The following PARD6G variants were observed in gnomAD, a reference collection of about 807,000 sequenced individuals.
PARD6G encodes the protein par-6 family cell polarity regulator gamma, also known as partitioning defective 6 homolog gamma.
In PARD6G, 7 loss-of-function variants were observed where a neutral mutation model predicts 10.7. The observed-to-expected ratio is 0.66, with a 90% CI of 0.37 to 1.23. The LOEUF (loss-of-function observed/expected upper bound fraction) is 1.23. Among genes scored for constraint, PARD6G ranks in the 50% most tolerant of loss-of-function variants. PARD6G has a pLI of 0.02. For synonymous variants in PARD6G, 287 were observed against 269.4 expected (o/e 1.07, Z -0.64); for missense variants, 548 against 571.8 (o/e 0.96, Z 0.42).
rs2052702146 is a variant in PARD6G at position 80,161,728 on chromosome 18, G to A, written c.296-1122C>T. The A allele has an allele frequency of 2.0e-5, 3 of 152,212 alleles. No homozygotes were observed. The highest frequency in any genetic ancestry group is 2.0e-4 in the Admixed American group (3 of 15,274). 9.4% of individuals were successfully genotyped at this position (152,212 alleles called of 1,614,324 possible). On this transcript the variant is annotated intron_variant, in intron 2 of 2. Coordinates refer to ENST00000353265, the MANE Select transcript of PARD6G (RefSeq NM_032510.4). This position sits in a 1 kb window ranked among gnomAD's most constrained non-coding sequence, Gnocchi z 4.6. ...CCACAGCAGCCTGCTCTTTGGGCTG[G>A]GGAGGCTCACATCTTTGCTTTGCCA...
At chr18:80,167,412 C>T (rs1002904678) in intron 2 of PARD6G, among the ~76,000 whole-genome samples, 5 of 152,176 alleles carry the variant, frequency 3.3e-5, no homozygotes, top group African/African-American at 9.7e-5. Flanking sequence ...CAGCAGCTCA[C>T]TCAGGGCAGC....
At chr18:80,176,694 C>A (rs1267766731) in intron 2 of PARD6G, among the ~76,000 whole-genome samples, 1 of 152,164 alleles carries the variant, frequency 6.6e-6, no homozygotes, top group Non-Finnish European at 1.5e-5. Flanking sequence ...TGAAGAAAGC[C>A]TCCCCCCTCA....
intron 1 of PARD6G, among the ~76,000 whole-genome samples, chr18:80,238,276 G>A (rs1026482923): frequency 5.3e-5 from 8 of 152,088 alleles, no homozygotes; most frequent in Non-Finnish European, 1.0e-4. Context: ...TCACTCATAG[G>A]TGGGAATTGA....
intron 1 of PARD6G, among the ~76,000 whole-genome samples, chr18:80,242,808 A>G (rs1967504848): frequency 1.3e-5 from 2 of 152,370 alleles, no homozygotes; most frequent in South Asian, 4.1e-4. Context: ...TCAACTCTCT[A>G]ATAACTTAAG....
rs1397629877 is a variant in PARD6G at position 80,231,800 on chromosome 18, A to G, written c.72+15477T>C. On this transcript the variant is annotated intron_variant, in intron 1 of 2. Transcript: ENST00000353265. The surrounding 1 kb of genome is among the most constrained non-coding windows in gnomAD (Gnocchi z 4.2). ...CCCCAGGCCTAGAGACGGGTTCGGC[A>G]TCTCACAGGCATCCACAGGGATGGC... 6.6e-6 allele frequency among the ~76,000 whole-genome samples: 1 copy of G among 152,136 alleles called. No homozygotes were observed. The highest frequency in any genetic ancestry group is 1.5e-5 in the Non-Finnish European group (1 of 68,028).
At chr18:80,195,884 AAAAGTAAACTTTTTTTTTTT>A (rs1426920999) in intron 2 of PARD6G, among the ~76,000 whole-genome samples, 1 of 125,934 alleles carries the variant, frequency 7.9e-6, no homozygotes, top group Non-Finnish European at 1.8e-5. Context: ...CAAGAAAAAA[AAAAGTAAACTTTTTTTTTTT>A]AAAGTAAAAA....
At chr18:80,187,399 T>G (rs148825618) in intron 2 of PARD6G, among the ~76,000 whole-genome samples, 1 of 152,302 alleles carries the variant, frequency 6.6e-6, no homozygotes, top group East Asian at 1.9e-4. Context: ...ACACGAGGCG[T>G]GTGTGTGAGA....
intron 1 of PARD6G, among the ~76,000 whole-genome samples, chr18:80,232,481 A>C (rs1028985040): frequency 6.6e-6 from 1 of 152,146 alleles, no homozygotes; most frequent in Admixed American, 6.5e-5. Context: ...GGTGAAAGGC[A>C]CTTCTTACAT....
chr18:80,225,139 G>T (rs1243545916), intron 1 of PARD6G, among the ~76,000 whole-genome samples: 1 of 152,260 alleles, frequency 6.6e-6, no homozygotes, highest in South Asian at 2.1e-4. Flanking sequence ...AAGGAACTGC[G>T]GCACCGTTTC....
chr18:80,205,209 A>G (rs2145282676), intron 1 of PARD6G, among the ~76,000 whole-genome samples: 1 of 152,318 alleles, frequency 6.6e-6, no homozygotes, highest in East Asian at 1.9e-4. Context: ...TCAAGGGGAA[A>G]CGTTCACCCA....
At chr18:80,203,346 G>A (rs916233207) in intron 1 of PARD6G, among the ~76,000 whole-genome samples, 2 of 152,182 alleles carry the variant, frequency 1.3e-5, no homozygotes, top group African/African-American at 4.8e-5. Flanking sequence ...TTCTCACAGA[G>A]CTCACAGTGA....
chr18:80,166,337 A>G (rs1415841098), intron 2 of PARD6G, among the ~76,000 whole-genome samples: 4 of 151,150 alleles, frequency 2.6e-5, no homozygotes, highest in Non-Finnish European at 2.9e-5. Flanking sequence ...CAGGGCTGCA[A>G]GTGTCTCTCT....
intron 2 of PARD6G, among the ~76,000 whole-genome samples, chr18:80,166,996 A>G (rs1241034815): frequency 1.3e-5 from 2 of 152,136 alleles, no homozygotes; most frequent in African/African-American, 4.8e-5. Flanking sequence ...AGGGAGTTTC[A>G]GCGCATCTAA....
intron 2 of PARD6G, among the ~76,000 whole-genome samples, chr18:80,186,523 T>G (rs2052880122): frequency 6.7e-6 from 1 of 149,606 alleles, no homozygotes; most frequent in Non-Finnish European, 1.5e-5. Flanking sequence ...CACACATGCA[T>G]GCATCCTCAC....
rs2052854287 is a variant in PARD6G, at chr18:80,182,710, A to T, written c.295+20000T>A. 5.9e-6 allele frequency: 1 copy of T among 170,344 alleles called. No homozygotes were observed. Among genetic ancestry groups the T allele is most frequent in the Admixed American group, 6.2e-5 (1 of 16,108 alleles). The allele number at this position is 170,344 out of a possible 1,614,324, so 10.6% of individuals were successfully genotyped here. A position where few individuals can be genotyped will look rare whatever the true frequency, so the allele number is the denominator to read the frequency against. On this transcript the variant is annotated intron_variant, in intron 2 of 2. Transcript: ENST00000353265. This position sits in a 1 kb window ranked among gnomAD's most constrained non-coding sequence, Gnocchi z 4.5. ...CACCTAGACATCACCTGGGTGTTGA[A>T]AACCACCTTGAGCCCAAATCCACCT...
chr18:80,244,569 T>C (rs1425866379), intron 1 of PARD6G, among the ~76,000 whole-genome samples: 1 of 152,208 alleles, frequency 6.6e-6, no homozygotes, highest in Non-Finnish European at 1.5e-5. Flanking sequence ...CTGCAGTATT[T>C]AACTCAAAGC....
At chr18:80,230,388 G>C (rs1354878144) in intron 1 of PARD6G, among the ~76,000 whole-genome samples, 1 of 152,210 alleles carries the variant, frequency 6.6e-6, no homozygotes, top group Admixed American at 6.5e-5. Flanking sequence ...GAACCTGTTG[G>C]AGCGTGGGAC....
chr18:80,165,001 A>G (rs1267841564), intron 2 of PARD6G, among the ~76,000 whole-genome samples: 1 of 152,260 alleles, frequency 6.6e-6, no homozygotes, highest in Admixed American at 6.5e-5. Flanking sequence ...GGGCAAAAGC[A>G]GAACCACTGA....
In PARD6G at chr18:80,203,419, G is replaced by A. The variant is rs1474024069; in HGVS notation, c.73-487C>T. Among the ~76,000 whole-genome samples, 4 of 152,266 alleles carry A rather than the reference G, an allele frequency of 2.6e-5. No homozygotes were observed. In the East Asian group the frequency reaches 5.8e-4, roughly 22 times the overall value. ...AACAATTAAAAGCAGTAGTGACTCA[G>A]GCAGCAGCTCGCTCATCCACAGAGA... On this transcript the variant is annotated intron_variant, in intron 1 of 2. Coordinates refer to ENST00000353265, the MANE Select transcript of PARD6G (RefSeq NM_032510.4).
Sources: gnomAD v4.1 joint callset for allele counts (sites outside exome capture counted in the v4.1 genomes callset) on GRCh38, gnomAD v4.1.1 for gene constraint, Gnocchi (gnomAD v3.1) non-coding constraint, MANE v1.5 for transcripts, NCBI Gene and HGNC (gene_info 2026-07-23, HGNC 2026-07-21) for gene names.